Variants in CSMD1 observed in about 807,000 individuals in gnomAD.
CSMD1 encodes CUB and sushi domain-containing protein 1.
Under a neutral mutation model 417.5 loss-of-function variants are expected in CSMD1, and 213 were observed. The ratio of observed to expected loss-of-function variants is 0.51; its 90% confidence interval spans 0.46 to 0.57. The LOEUF (loss-of-function observed/expected upper bound fraction) is 0.57, where lower values mean the gene tolerates loss of function less well. CSMD1 is among the 20% of genes least tolerant of loss of function. CSMD1 has a pLI of 0.00. For synonymous variants in CSMD1, 2,862 were observed against 1,736.8 expected, an observed-to-expected ratio of 1.65 and a Z score of -16.11; for missense variants, 6,923 against 4,529.7, an observed-to-expected ratio of 1.53 and a Z score of -15.17.
At chr8:3,318,183 T>A (rs1805904451) in intron 23 of CSMD1, among the ~76,000 whole-genome samples, 1 of 152,240 alleles carries the variant, frequency 6.6e-6, no homozygotes, top group Admixed American at 6.5e-5. Flanking sequence ...AGGCTTGTAA[T>A]ATTCTATTTT....
chr8:3,954,255 A>C (rs1276709927), intron 5 of CSMD1, among the ~76,000 whole-genome samples: 3 of 152,198 alleles, frequency 2.0e-5, no homozygotes, highest in African/African-American at 7.2e-5. Flanking sequence ...GTGGAAGTTT[A>C]TTTTAAAAGA....
chr8:4,445,755 C>G (rs1198172840), intron 2 of CSMD1, among the ~76,000 whole-genome samples: 3 of 150,952 alleles, frequency 2.0e-5, no homozygotes, highest in Non-Finnish European at 3.0e-5. Context: ...AATAGACGGT[C>G]CTGAGAATCT....
At position 4,707,182 on chromosome 8, in the gene CSMD1, T is replaced by C. The variant is rs115067424; in HGVS notation, c.86-69624A>G. On this transcript the variant is annotated intron_variant, in intron 1 of 69. Coordinates refer to ENST00000635120, the MANE Select transcript of CSMD1 (RefSeq NM_033225.6). Reference sequence around the variant, plus strand: ...AAAATAATAACTTCCTCTTATTGAATAGTTATTGCACTCTAGACACTGTTG... The same window carrying C: ...AAAATAATAACTTCCTCTTATTGAACAGTTATTGCACTCTAGACACTGTTG... Among the ~76,000 whole-genome samples, 512 of 152,352 alleles carry C rather than the reference T, an allele frequency of 3.4e-3. 5 individuals carry two copies. Among genetic ancestry groups the C allele is most frequent in the African/African-American group, 0.012 (484 of 41,578 alleles).
At chr8:4,314,831 G>T (rs771329116) in intron 3 of CSMD1, among the ~76,000 whole-genome samples, 12 of 152,156 alleles carry the variant, frequency 7.9e-5, no homozygotes, top group Admixed American at 7.2e-4. Context: ...AAAGGATTTT[G>T]TAAGAGGAGG....
At chr8:3,408,413 T>G (rs1812480290) in intron 13 of CSMD1, among the ~76,000 whole-genome samples, 188 bp from the exon 14 acceptor site, 1 of 152,200 alleles carries the variant, frequency 6.6e-6, no homozygotes, top group African/African-American at 2.4e-5. Flanking sequence ...GTCGAATATT[T>G]CATTATCATA....
intron 3 of CSMD1, among the ~76,000 whole-genome samples, chr8:4,293,979 A>G (rs1019234732): frequency 6.6e-6 from 1 of 151,836 alleles, no homozygotes; most frequent in African/African-American, 2.4e-5. Context: ...TGCTTTTTGA[A>G]CTTACCAAAT....
At chr8:4,471,676 G>A (rs1347997578) in intron 2 of CSMD1, among the ~76,000 whole-genome samples, 2 of 152,102 alleles carry the variant, frequency 1.3e-5, no homozygotes, top group African/African-American at 4.8e-5. Flanking sequence ...GTTGAGGAAG[G>A]CCAGCGAACG....
intron 50 of CSMD1, among the ~76,000 whole-genome samples, chr8:3,039,948 C>T (rs549047163): frequency 2.9e-4 from 44 of 152,220 alleles, no homozygotes; most frequent in African/African-American, 1.0e-3. Context: ...AGTCATAGCA[C>T]GGAATTCTCT....
chr8:3,182,788 CACCGTGTT>C (rs1469939968), intron 36 of CSMD1, among the ~76,000 whole-genome samples: 2 of 108,616 alleles, frequency 1.8e-5, no homozygotes, highest in Non-Finnish European at 3.6e-5. Context: ...GAAGTGGTTT[CACCGTGTT>C]AGCCAGGATG....
At chr8:3,970,952 T>C (rs1171043716) in intron 5 of CSMD1, among the ~76,000 whole-genome samples, 2 of 152,156 alleles carry the variant, frequency 1.3e-5, no homozygotes, top group African/African-American at 2.4e-5. Flanking sequence ...GGTTTCACCA[T>C]GTTGGCCGGG....
intron 1 of CSMD1, among the ~76,000 whole-genome samples, chr8:4,929,303 T>C (rs920625967): frequency 5.9e-5 from 9 of 152,134 alleles, no homozygotes; most frequent in African/African-American, 2.2e-4. Context: ...TCCCGAACCA[T>C]GGGCAACACA....
intron 2 of CSMD1, among the ~76,000 whole-genome samples, chr8:4,603,191 A>T (rs929169006): frequency 3.9e-5 from 6 of 152,056 alleles, no homozygotes; most frequent in Admixed American, 3.9e-4. Context: ...TGTGCTTAAA[A>T]ATACTGACTG....
chr8:3,941,323 C>T (rs376911958), intron 5 of CSMD1, among the ~76,000 whole-genome samples: 93 of 152,184 alleles, frequency 6.1e-4, no homozygotes, highest in African/African-American at 2.2e-3. Context: ...ACATCCTATG[C>T]CATTTACAAC....
chr8:4,310,102 T>G (rs118020583), intron 3 of CSMD1, among the ~76,000 whole-genome samples: 1 of 152,254 alleles, frequency 6.6e-6, no homozygotes, highest in South Asian at 2.1e-4. Flanking sequence ...CTCTCAGAGA[T>G]TCACTTATCT....
At chr8:3,740,860 A>T in intron 6 of CSMD1, among the ~76,000 whole-genome samples, 1 of 152,058 alleles carries the variant, frequency 6.6e-6, no homozygotes, top group South Asian at 2.1e-4. Context: ...TATAGCAGAG[A>T]GGATGAGGCA....
chr8:3,456,892 C>G (rs980662541), intron 12 of CSMD1, among the ~76,000 whole-genome samples: 1 of 152,090 alleles, frequency 6.6e-6, no homozygotes, highest in Non-Finnish European at 1.5e-5. Flanking sequence ...CTGCACTATC[C>G]TGCCCCCCTT....
chr8:3,914,140 G>C (rs558976603), intron 5 of CSMD1, among the ~76,000 whole-genome samples: 26 of 152,206 alleles, frequency 1.7e-4, no homozygotes, highest in African/African-American at 6.0e-4. Context: ...AATAGAGTAT[G>C]ATGAGAAAAA....
chr8:4,107,217 C>T (rs1418708524), intron 3 of CSMD1, among the ~76,000 whole-genome samples: 2 of 152,210 alleles, frequency 1.3e-5, no homozygotes, highest in Admixed American at 1.3e-4. Flanking sequence ...TACTACAGAG[C>T]TAGAAGTAGC....
At chr8:3,856,048 C>T (rs1006053113) in intron 5 of CSMD1, among the ~76,000 whole-genome samples, 2 of 152,004 alleles carry the variant, frequency 1.3e-5, no homozygotes, top group African/African-American at 4.8e-5. Flanking sequence ...ATGTCATTCA[C>T]ATCATACTGT....
Sources: gnomAD v4.1 joint callset for allele counts (sites outside exome capture counted in the v4.1 genomes callset) on GRCh38, gnomAD v4.1.1 for gene constraint, MANE v1.5 for transcripts, NCBI Gene and HGNC (gene_info 2026-07-23, HGNC 2026-07-21) for gene names.